Variants in AUTS2 observed in about 807,000 individuals in gnomAD.
AUTS2 encodes the protein autism susceptibility gene 2 protein.
In AUTS2, 17 loss-of-function variants were observed where a neutral mutation model predicts 112.4. The observed-to-expected ratio is 0.15, with a 90% CI of 0.10 to 0.23. The LOEUF (loss-of-function observed/expected upper bound fraction) is 0.23, where lower values mean the gene tolerates loss of function less well. Ranked by LOEUF, AUTS2 falls within the 10% of genes least tolerant of loss-of-function variation. AUTS2 has a pLI of 1.00. For synonymous variants in AUTS2, 751 were observed against 702.7 expected (o/e 1.07, Z -1.09); for missense variants, 1,510 against 1,701.6 (o/e 0.89, Z 1.98).
chr7:70,563,098 A>T (rs1240499986), intron 5 of AUTS2, among the ~76,000 whole-genome samples: 1 of 152,136 alleles, frequency 6.6e-6, no homozygotes, highest in Non-Finnish European at 1.5e-5. Context: ...CTATGTAAAG[A>T]TGGAATAGAC....
chr7:69,908,720 T>C (rs970006828), intron 2 of AUTS2, among the ~76,000 whole-genome samples: 2 of 152,252 alleles, frequency 1.3e-5, no homozygotes, highest in African/African-American at 2.4e-5. Context: ...AGGAAGTGTT[T>C]GCTCATACAT....
At chr7:70,616,461 C>A (rs1175362757) in intron 5 of AUTS2, among the ~76,000 whole-genome samples, 1 of 152,178 alleles carries the variant, frequency 6.6e-6, no homozygotes, top group African/African-American at 2.4e-5. Flanking sequence ...GGGGCTGATG[C>A]AGCTGCCCGG....
chr7:70,309,167 G>T (rs1351712670), intron 4 of AUTS2, among the ~76,000 whole-genome samples: 1 of 152,218 alleles, frequency 6.6e-6, no homozygotes, highest in Non-Finnish European at 1.5e-5. Context: ...AGTGGGGTCA[G>T]TTCCTGTCTG....
intron 5 of AUTS2, among the ~76,000 whole-genome samples, chr7:70,570,906 G>GC (rs1159605901): frequency 4.6e-5 from 7 of 151,962 alleles, no homozygotes; most frequent in African/African-American, 1.7e-4. Context: ...TTGTAGTCTT[G>GC]CCTCCTGCTT....
At chr7:69,752,505 C>T (rs1478414283) in intron 1 of AUTS2, among the ~76,000 whole-genome samples, 1 of 152,150 alleles carries the variant, frequency 6.6e-6, no homozygotes, top group Non-Finnish European at 1.5e-5. Context: ...GTGTTTTTGC[C>T]AATAAAAGGA....
chr7:70,575,002 G>A (rs1802098087), intron 5 of AUTS2, among the ~76,000 whole-genome samples: 1 of 152,154 alleles, frequency 6.6e-6, no homozygotes, highest in African/African-American at 2.4e-5. Context: ...TTTTCCTTGG[G>A]AAACAGGCCC....
At chr7:70,152,343 C>G (rs923491057) in intron 4 of AUTS2, among the ~76,000 whole-genome samples, 5 of 151,128 alleles carry the variant, frequency 3.3e-5, no homozygotes, top group African/African-American at 1.2e-4. Context: ...TCAGATTTCT[C>G]AAAACCAATA....
At chr7:69,936,924 C>T (rs971832645) in intron 2 of AUTS2, among the ~76,000 whole-genome samples, 5 of 152,072 alleles carry the variant, frequency 3.3e-5, no homozygotes, top group African/African-American at 7.2e-5. Context: ...CCTCTCTTTT[C>T]CCTTTACCCT....
intron 1 of AUTS2, among the ~76,000 whole-genome samples, chr7:69,605,410 C>G (rs986755824): frequency 6.6e-6 from 1 of 152,284 alleles, no homozygotes; most frequent in East Asian, 1.9e-4. Flanking sequence ...GTTACCAACC[C>G]CACCAGGAGG....
intron 2 of AUTS2, among the ~76,000 whole-genome samples, chr7:70,038,615 A>G (rs1347599683): frequency 6.6e-6 from 1 of 152,120 alleles, no homozygotes; most frequent in African/African-American, 2.4e-5. Flanking sequence ...TCCTGCCACC[A>G]TTTATCATAA....
At chr7:70,731,697 G>A (rs909137886) in intron 6 of AUTS2, among the ~76,000 whole-genome samples, 1 of 151,846 alleles carries the variant, frequency 6.6e-6, no homozygotes, top group Non-Finnish European at 1.5e-5. Flanking sequence ...CCAGAGTGCT[G>A]GGATTACAGG....
chr7:70,373,861 T>C (rs1792959631), intron 4 of AUTS2, among the ~76,000 whole-genome samples: 1 of 152,242 alleles, frequency 6.6e-6, no homozygotes. Flanking sequence ...GTGAACATAA[T>C]TTAGTGAATC....
At chr7:70,460,315 A>G (rs1244999952) in intron 5 of AUTS2, among the ~76,000 whole-genome samples, 2 of 144,114 alleles carry the variant, frequency 1.4e-5, no homozygotes, top group African/African-American at 5.1e-5. Context: ...GGAGGCAGCC[A>G]ACCTCAGCAA....
At position 70,790,471 on chromosome 7, in the gene AUTS2, C is replaced by T; in HGVS notation, c.3255C>T (p.His1085=). ...ATCCTTACCGAGAACTTGACATTCA[C>T]CGGAGAGACCCGCTGGGCAGGGACT... The part of the protein sequence containing the change: ...LRDPYRELDI[H]RRDPLGRDFL... The change falls in exon 19 of 19, where the codon CAC becomes CAT. Residue 1085 remains histidine (H), a synonymous_variant. Transcript: ENST00000342771. The surrounding 1 kb of genome is among the most constrained non-coding windows in gnomAD (Gnocchi z 7.6). The T allele has an allele frequency of 1.2e-6, 2 of 1,612,346 alleles. No homozygotes were observed. The highest frequency in any genetic ancestry group is 1.7e-6 in the Non-Finnish European group (2 of 1,179,220).
chr7:69,974,994 C>T (rs1797998057), intron 2 of AUTS2, among the ~76,000 whole-genome samples: 1 of 151,710 alleles, frequency 6.6e-6, no homozygotes. Flanking sequence ...AAAAATAGAA[C>T]TTCCTTTAGC....
intron 1 of AUTS2, among the ~76,000 whole-genome samples, chr7:69,679,578 TAACTC>T (rs1796706037): frequency 6.6e-6 from 1 of 152,212 alleles, no homozygotes; most frequent in Non-Finnish European, 1.5e-5. Flanking sequence ...TGTAAAAAAA[TAACTC>T]TGTCTGCATT....
chr7:70,712,434 A>T (rs1235831702), intron 6 of AUTS2, among the ~76,000 whole-genome samples: 1 of 152,022 alleles, frequency 6.6e-6, no homozygotes, highest in East Asian at 1.9e-4. Context: ...GTTTCTGCTG[A>T]TAAGGAACTC....
intron 4 of AUTS2, among the ~76,000 whole-genome samples, chr7:70,256,772 T>TG (rs1484443963): frequency 1.3e-5 from 2 of 152,204 alleles, no homozygotes; most frequent in African/African-American, 4.8e-5. Context: ...TTCCTGTGTG[T>TG]TTTGCCATGC....
chr7:70,700,155 CT>C (rs914541205), intron 6 of AUTS2, among the ~76,000 whole-genome samples: 3 of 152,134 alleles, frequency 2.0e-5, no homozygotes, highest in East Asian at 3.8e-4. Context: ...CTTTCCCCCC[CT>C]TTTTTTCCTT....
Sources: allele counts gnomAD v4.1 joint callset (sites outside exome capture counted in the v4.1 genomes callset), GRCh38; gene constraint gnomAD v4.1.1; non-coding constraint Gnocchi (gnomAD v3.1); transcripts MANE v1.5; gene names NCBI Gene and HGNC (gene_info 2026-07-23, HGNC 2026-07-21).